Variants in RBFOX1 observed in about 807,000 individuals in gnomAD.
The protein encoded by RBFOX1 is RNA binding fox-1 homolog 1.
RBFOX1 carries 8 observed loss-of-function variants against 57.7 expected under a neutral mutation model. The ratio of observed to expected loss-of-function variants is 0.14; its 90% CI spans 0.08 to 0.25. The LOEUF (loss-of-function observed/expected upper bound fraction) is 0.25. Ranked by LOEUF, RBFOX1 falls within the 10% of genes least tolerant of loss-of-function variation. The probability of loss-of-function intolerance (pLI) is 1.00; values close to 1 mark genes in which losing one functional copy is unlikely to be tolerated. For synonymous variants in RBFOX1, 326 were observed against 222.4 expected, an observed-to-expected ratio of 1.47 and a Z score of -4.15; for missense variants, 611 against 548.5, an observed-to-expected ratio of 1.11 and a Z score of -1.14.
At chr16:6,951,304 G>C (rs2080711967) in intron 3 of RBFOX1, among the ~76,000 whole-genome samples, 1 of 152,168 alleles carries the variant, frequency 6.6e-6, no homozygotes, top group Non-Finnish European at 1.5e-5. Context: ...GCTGTCTGTA[G>C]GCTGGATACT....
chr16:7,040,458 G>T (rs941639333), intron 3 of RBFOX1, among the ~76,000 whole-genome samples: 1 of 152,100 alleles, frequency 6.6e-6, no homozygotes, highest in Non-Finnish European at 1.5e-5. Flanking sequence ...TATTATTGCT[G>T]CTCTTAGTAT....
chr16:5,563,073 C>A (rs541281132), intron 2 of RBFOX1, among the ~76,000 whole-genome samples: 1 of 152,176 alleles, frequency 6.6e-6, no homozygotes, highest in South Asian at 2.1e-4. Context: ...CTTCAGCCTC[C>A]TGAGTAGCTG....
At chr16:6,169,042 G>C (rs186025717) in intron 1 of RBFOX1, among the ~76,000 whole-genome samples, 178 of 152,200 alleles carry the variant, frequency 1.2e-3, no homozygotes, top group Non-Finnish European at 2.9e-4. Context: ...CATAATGAGC[G>C]TCATATAAAC....
intron 4 of RBFOX1, among the ~76,000 whole-genome samples, chr16:5,906,914 A>G (rs1267353834): frequency 6.6e-6 from 1 of 150,928 alleles, no homozygotes; most frequent in Non-Finnish European, 1.5e-5. Context: ...TTTTTGTATT[A>G]TTAGTAGAGA....
intron 3 of RBFOX1, among the ~76,000 whole-genome samples, chr16:7,003,342 C>T (rs1301810403): frequency 6.6e-6 from 1 of 152,052 alleles, no homozygotes; most frequent in South Asian, 2.1e-4. Context: ...CACTTGTAGT[C>T]CCAGCTACTC....
intron 1 of RBFOX1, among the ~76,000 whole-genome samples, chr16:6,101,009 A>G (rs2096300407): frequency 6.6e-6 from 1 of 152,018 alleles, no homozygotes; most frequent in African/African-American, 2.4e-5. Flanking sequence ...GGTTCCTCCT[A>G]TAGAGTTTTA....
At chr16:6,292,368 A>ATT (rs200471833) in intron 1 of RBFOX1, among the ~76,000 whole-genome samples, 30 of 144,562 alleles carry the variant, frequency 2.1e-4, no homozygotes, top group Non-Finnish European at 3.2e-4. Flanking sequence ...AGTTCCACAG[A>ATT]TTTTTTTTTT....
At chr16:7,405,862 G>C (rs1426970216) in intron 4 of RBFOX1, among the ~76,000 whole-genome samples, 1 of 152,162 alleles carries the variant, frequency 6.6e-6, no homozygotes, top group African/African-American at 2.4e-5. Flanking sequence ...TCCTAGGTCT[G>C]TGATTCTCAG....
chr16:7,467,164 C>T (rs1348257932), intron 4 of RBFOX1, among the ~76,000 whole-genome samples: 1 of 152,158 alleles, frequency 6.6e-6, no homozygotes. Flanking sequence ...GAGAGGAAAT[C>T]AGACTTCTTT....
At chr16:6,231,664 T>G (rs1211215209) in intron 1 of RBFOX1, among the ~76,000 whole-genome samples, 2 of 152,360 alleles carry the variant, frequency 1.3e-5, no homozygotes, top group African/African-American at 4.8e-5. Context: ...TTACAATCAC[T>G]GTGAGCCAGA....
chr16:6,565,303 C>G (rs2097247459), intron 2 of RBFOX1, among the ~76,000 whole-genome samples: 2 of 151,802 alleles, frequency 1.3e-5, no homozygotes, highest in African/African-American at 4.8e-5. Flanking sequence ...GTTGCCCAGG[C>G]TGGAGCTCAG....
At chr16:6,263,245 G>T (rs1303357146) in intron 1 of RBFOX1, among the ~76,000 whole-genome samples, 1 of 152,172 alleles carries the variant, frequency 6.6e-6, no homozygotes, top group African/African-American at 2.4e-5. Context: ...AAATCCATTT[G>T]TGTAGAAGTT....
chr16:5,959,927 G>A (rs756199435), intron 4 of RBFOX1, among the ~76,000 whole-genome samples: 58 of 152,192 alleles, frequency 3.8e-4, no homozygotes, highest in Non-Finnish European at 2.4e-4. Context: ...TAGGCTGGGC[G>A]CGGTGGCTCA....
rs192766349 is a variant in RBFOX1, at chr16:6,615,493, C to T, written c.-63-39110C>T. Among the ~76,000 whole-genome samples the T allele has an allele frequency of 3.2e-3, 491 of 151,998 alleles. 1 individual carries two copies. Among genetic ancestry groups the T allele is most frequent in the African/African-American group, 0.011 (465 of 41,464 alleles). On this transcript the variant is annotated intron_variant, in intron 2 of 15. Coordinates refer to ENST00000550418, the MANE Select transcript of RBFOX1 (RefSeq NM_018723.4). ...GCTGAGGCAGAAGAATTGCTTGAAC[C>T]CAAGGGGCAGAGGTTGCAGTGAGCC...
intron 2 of RBFOX1, among the ~76,000 whole-genome samples, chr16:6,378,050 C>G (rs1351389566): frequency 3.9e-5 from 6 of 152,196 alleles, no homozygotes; most frequent in South Asian, 2.1e-4. Flanking sequence ...CTTCTAGCAT[C>G]CTGGATAGGC....
chr16:5,712,295 CA>C (rs2051519478), intron 3 of RBFOX1, among the ~76,000 whole-genome samples: 1 of 152,168 alleles, frequency 6.6e-6, no homozygotes, highest in South Asian at 2.1e-4. Context: ...CCTTTATTAG[CA>C]ATACCTCATT....
intron 1 of RBFOX1, among the ~76,000 whole-genome samples, chr16:6,087,894 A>G (rs1337346943): frequency 6.6e-6 from 1 of 151,962 alleles, no homozygotes; most frequent in South Asian, 2.1e-4. Context: ...CTTGTGATCC[A>G]CCTGCCTCGG....
chr16:5,440,886 AG>A (rs2068063768), intron 1 of RBFOX1, among the ~76,000 whole-genome samples: 1 of 152,298 alleles, frequency 6.6e-6, no homozygotes, highest in South Asian at 2.1e-4. Flanking sequence ...AGGTCCAAAA[AG>A]GTTAAGTGAT....
Position 6,450,741 on chromosome 16 carries a change from TTATATATATATACATATATATATGTG to T in RBFOX1, c.-64+133697_-64+133722del, listed in dbSNP as rs2094571637. Among the ~76,000 whole-genome samples, 9 of 76,056 alleles carry T rather than the reference TTATATATATATACATATATATATGTG, an allele frequency of 1.2e-4. 1 individual carries two copies. The highest frequency in any genetic ancestry group is 3.3e-4 in the African/African-American group (7 of 21,016). The allele number at this position is 76,056 out of a possible 152,430, so 49.9% of individuals were successfully genotyped here. A position where few individuals can be genotyped will look rare whatever the true frequency, so the allele number is the denominator to read the frequency against. The stretch of plus-strand genomic sequence containing the variant: ...TGTGGTGGTGGCAGGGGAATAAATT[TTATATATATATACATATATATATGTG>T]TATATATATATATATATATATACAT... On this transcript the variant is annotated intron_variant, in intron 2 of 15. Coordinates refer to ENST00000550418, the MANE Select transcript of RBFOX1 (RefSeq NM_018723.4).
Sources: allele counts gnomAD v4.1 joint callset (sites outside exome capture counted in the v4.1 genomes callset), GRCh38; gene constraint gnomAD v4.1.1; transcripts MANE v1.5; gene names NCBI Gene and HGNC (gene_info 2026-07-23, HGNC 2026-07-21).